The following ISCA1 variants were observed in gnomAD, a reference collection of about 807,000 sequenced individuals.
ISCA1 encodes iron-sulfur cluster assembly 1.
ISCA1 carries 9 observed loss-of-function variants against 14.7 expected under a neutral mutation model. The observed-to-expected ratio is 0.61, with a 90% CI of 0.37 to 1.07. The LOEUF (loss-of-function observed/expected upper bound fraction) is 1.07. Among genes scored for constraint, ISCA1 ranks in the 50% least tolerant of loss-of-function variants. ISCA1 has a pLI of 0.01. For missense variants in ISCA1, 102 were observed against 150.1 expected, an observed-to-expected ratio of 0.68 and a Z score of 1.67; for synonymous variants, 38 against 54.3, an observed-to-expected ratio of 0.70 and a Z score of 1.32.
intron 1 of ISCA1, among the ~76,000 whole-genome samples, chr9:86,280,070 T>C (rs747365790): frequency 3.3e-5 from 5 of 152,182 alleles, no homozygotes; most frequent in Non-Finnish European, 5.9e-5. Context: ...AGAACTGCTA[T>C]GATAACATGT....
chr9:86,280,458 T>C (rs1336426419), intron 1 of ISCA1, among the ~76,000 whole-genome samples: 3 of 151,818 alleles, frequency 2.0e-5, no homozygotes, highest in African/African-American at 7.3e-5. Flanking sequence ...AAGCTGGGCA[T>C]GGTGGTGGGC....
intron 2 of ISCA1, among the ~76,000 whole-genome samples, chr9:86,272,904 A>G (rs1318494093): frequency 6.6e-6 from 1 of 152,248 alleles, no homozygotes; most frequent in Non-Finnish European, 1.5e-5. Flanking sequence ...TTTAATACAG[A>G]TGCAACCTTC....
At chr9:86,275,252 C>T (rs1048962914) in intron 1 of ISCA1, among the ~76,000 whole-genome samples, 3 of 152,182 alleles carry the variant, frequency 2.0e-5, no homozygotes, top group Non-Finnish European at 2.9e-5. Context: ...ACATTATGTG[C>T]GTCCTTCCTA....
chr9:86,264,682 G>A lies in ISCA1; in HGVS notation c.*1361C>T, dbSNP rs1351100571. On this transcript the variant is annotated 3_prime_UTR_variant, in exon 4 of 4. Coordinates refer to ENST00000375991, the MANE Select transcript of ISCA1 (RefSeq NM_030940.4). ...TCATGAGCATTTACATAAAACTACC[G>A]CTCTAGGTTTTGGTGTGTTTTGTGT... The A allele has an allele frequency of 2.0e-5, 3 of 152,328 alleles. No homozygotes were observed. The highest frequency in any genetic ancestry group is 7.3e-5 in the African/African-American group (3 of 41,346). 9.4% of individuals were successfully genotyped at this position (152,328 alleles called of 1,614,324 possible). A position where few individuals can be genotyped will look rare whatever the true frequency, so the allele number is the denominator to read the frequency against.
intron 1 of ISCA1, among the ~76,000 whole-genome samples, chr9:86,278,422 T>C (rs1444457758): frequency 6.6e-6 from 1 of 152,162 alleles, no homozygotes; most frequent in Non-Finnish European, 1.5e-5. Context: ...GCCAGCACTT[T>C]GGGAGGCCAA....
intron 1 of ISCA1, 127 bp downstream of exon 1, chr9:86,282,251 T>C: frequency 9.6e-7 from 1 of 1,040,900 alleles, no homozygotes; most frequent in African/African-American, 1.7e-5. Context: ...GTGCGGCGGG[T>C]CGGAGCGACG....
chr9:86,282,268 T>C (rs1335435751), intron 1 of ISCA1, 110 bp downstream of exon 1: 35 of 1,213,578 alleles, frequency 2.9e-5, no homozygotes, highest in Non-Finnish European at 3.7e-5. Context: ...GACGCCGAGG[T>C]CTGACGTGTC....
intron 2 of ISCA1, among the ~76,000 whole-genome samples, chr9:86,272,535 C>T (rs1202900386): frequency 6.6e-6 from 1 of 152,174 alleles, no homozygotes; most frequent in Non-Finnish European, 1.5e-5. Context: ...GCAGTCAATA[C>T]AGACAAAAGA....
intron 3 of ISCA1, chr9:86,266,733 C>CG (rs1046387465): frequency 2.7e-5 from 4 of 146,660 alleles, no homozygotes; most frequent in African/African-American, 1.0e-4. Context: ...TAAATACAAT[C>CG]TTTTTTTTTT....
In ISCA1 at chr9:86,282,378, C is replaced by T. The variant is rs1314905765; in HGVS notation, c.81G>A (p.Leu27=). The T allele has an allele frequency of 1.9e-6, 3 of 1,547,350 alleles. No individual in the cohort carries two copies. Among genetic ancestry groups the T allele is most frequent in the East Asian group, 4.9e-5 (2 of 40,920 alleles). The part of the protein sequence containing the change: ...KLQPTRAALT[L]TPSAVNKIKQ... ...CCCGCCGCGCGCCGCGAGCACTCAC[C>T]AGGGTGAGGGCTGCCCGGGTGGGCT... is the stretch of plus-strand genomic sequence containing the variant. Residue 27 remains leucine, a splice_region_variant and synonymous_variant, in exon 1 of 4, where the codon CTG becomes CTA. Coordinates refer to ENST00000375991, the MANE Select transcript of ISCA1 (RefSeq NM_030940.4).
intron 2 of ISCA1, among the ~76,000 whole-genome samples, chr9:86,273,966 T>C (rs1825407132): frequency 1.3e-5 from 2 of 152,156 alleles, no homozygotes; most frequent in South Asian, 2.1e-4. Context: ...ACCAAAGAGA[T>C]TGCTTCTTGG....
chr9:86,273,555 G>A (rs1825400960), intron 2 of ISCA1, among the ~76,000 whole-genome samples: 1 of 152,106 alleles, frequency 6.6e-6, no homozygotes, highest in South Asian at 2.1e-4. Flanking sequence ...ATAATGACAT[G>A]GAAAGATCTT....
In ISCA1 at chr9:86,281,193, T is replaced by G. The variant is rs536471947; in HGVS notation, c.81+1185A>C. Among the ~76,000 whole-genome samples, 3 of 152,278 alleles carry G rather than the reference T, an allele frequency of 2.0e-5. No homozygotes were observed. In the South Asian group the frequency reaches 6.2e-4, roughly 32 times the overall value. On this transcript the variant is annotated intron_variant, in intron 1 of 3. Coordinates refer to ENST00000375991, the MANE Select transcript of ISCA1 (RefSeq NM_030940.4). ...CGGTGTATGAAAATAAGCTTGCTCCTACAGAAAAGAGGTAATATAGAATGA... is the reference window on the plus strand; with the variant it reads ...CGGTGTATGAAAATAAGCTTGCTCCGACAGAAAAGAGGTAATATAGAATGA...
intron 1 of ISCA1, 197 bp downstream of exon 1, chr9:86,282,181 C>G (rs1416489999): frequency 1.6e-6 from 1 of 623,160 alleles, no homozygotes; most frequent in Non-Finnish European, 2.7e-6. Context: ...GAGAGCAGCC[C>G]CGCCCGGGAC....
intron 1 of ISCA1, among the ~76,000 whole-genome samples, chr9:86,281,674 T>C (rs1438486094): frequency 1.3e-5 from 2 of 152,192 alleles, no homozygotes; most frequent in African/African-American, 4.8e-5. Context: ...ATTCTCTAAG[T>C]AATCAATGGT....
intron 2 of ISCA1, 39 bp downstream of exon 2, chr9:86,274,150 C>G (rs769985071): frequency 8.9e-7 from 1 of 1,121,940 alleles, no homozygotes; most frequent in Admixed American, 1.8e-5. Flanking sequence ...GAAAATGCAG[C>G]TTCAGTTTTT....
chr9:86,280,845 T>C (rs1331190978), intron 1 of ISCA1, among the ~76,000 whole-genome samples: 1 of 151,908 alleles, frequency 6.6e-6, no homozygotes, highest in East Asian at 1.9e-4. Context: ...GGAGGATCGC[T>C]TGGGCCCAGG....
intron 1 of ISCA1, among the ~76,000 whole-genome samples, chr9:86,277,362 A>G (rs1435552869): frequency 6.6e-6 from 1 of 152,184 alleles, no homozygotes; most frequent in Non-Finnish European, 1.5e-5. Flanking sequence ...GGGTGTTACT[A>G]ATGATGGACA....
intron 3 of ISCA1, chr9:86,267,027 C>A: frequency 6.6e-6 from 1 of 152,314 alleles, no homozygotes. Flanking sequence ...AGAAAGCTTT[C>A]TAGTCTGGGA....
Sources: allele counts gnomAD v4.1 joint callset (sites outside exome capture counted in the v4.1 genomes callset), GRCh38; gene constraint gnomAD v4.1.1; transcripts MANE v1.5; gene names NCBI Gene and HGNC (gene_info 2026-07-23, HGNC 2026-07-21).